Variants in PXDN observed in about 807,000 individuals in gnomAD.
PXDN encodes peroxidasin homolog.
PXDN carries 77 observed loss-of-function variants against 140.3 expected under a neutral mutation model. The ratio of observed to expected loss-of-function variants is 0.55; its 90% CI spans 0.46 to 0.66. The LOEUF (loss-of-function observed/expected upper bound fraction) is 0.66, where lower values mean the gene tolerates loss of function less well. Among genes scored for constraint, PXDN ranks in the 30% least tolerant of loss-of-function variants. The pLI, the probability that PXDN is intolerant of heterozygous loss-of-function variation, is 0.00. For synonymous variants in PXDN, 911 were observed against 857.4 expected, an observed-to-expected ratio of 1.06 and a Z score of -1.09; for missense variants, 1,838 against 2,039.5, an observed-to-expected ratio of 0.90 and a Z score of 1.90.
Position 1,685,824 on chromosome 2 carries a change from C to T in PXDN, c.417-1673G>A, listed in dbSNP as rs1333861438. Among the ~76,000 whole-genome samples, 1 of 151,972 alleles carries T rather than the reference C, an allele frequency of 6.6e-6. No homozygotes were observed. Among genetic ancestry groups the T allele is most frequent in the African/African-American group, 2.4e-5 (1 of 41,358 alleles). ...GCAGCCTGGGGTGTCCTCCACCCCT[C>T]CCTGAACAATTGAGGAAACAGGACC... On this transcript the variant is annotated intron_variant, in intron 4 of 22. Transcript: ENST00000252804. The surrounding 1 kb of genome is among the most constrained non-coding windows in gnomAD (Gnocchi z 5.1).
chr2:1,696,773 C>A (rs1684309802), intron 1 of PXDN, among the ~76,000 whole-genome samples: 1 of 152,180 alleles, frequency 6.6e-6, no homozygotes, highest in South Asian at 2.1e-4. Context: ...TACATCTGCA[C>A]ACGTGTTACT....
intron 1 of PXDN, among the ~76,000 whole-genome samples, chr2:1,723,486 A>G (rs1238720152): frequency 6.6e-6 from 1 of 152,114 alleles, no homozygotes; most frequent in African/African-American, 2.4e-5. Flanking sequence ...ATAAATGGGC[A>G]GATGGATGAA....
chr2:1,645,554 A>G (rs928678603), intron 17 of PXDN, among the ~76,000 whole-genome samples: 7 of 152,358 alleles, frequency 4.6e-5, no homozygotes, highest in Admixed American at 3.3e-4. Context: ...CTTACTGAAC[A>G]GGATGCACAC....
intron 1 of PXDN, among the ~76,000 whole-genome samples, chr2:1,743,800 G>A (rs1685616044): frequency 6.9e-6 from 1 of 145,506 alleles, no homozygotes; most frequent in Admixed American, 6.8e-5. Context: ...GGAGGGGGCT[G>A]CGCCGCGCTC....
At position 1,724,312 on chromosome 2, in the gene PXDN, GT is replaced by G. The variant is rs34475212; in HGVS notation, c.200+19943del. Among the ~76,000 whole-genome samples, 606 of 139,914 alleles carry G rather than the reference GT, an allele frequency of 4.3e-3. 2 individuals carry two copies. Among genetic ancestry groups the G allele is most frequent in the Non-Finnish European group, 4.3e-3 (278 of 65,342 alleles). The allele number at this position is 139,914 out of a possible 152,430, so 91.8% of individuals were successfully genotyped here. ...TTATTTAAAGTAAGTCTGAATTTCC[GT>G]TTTTTTTTTTTTTTGGTCAGAAAGC... On this transcript the variant is annotated intron_variant, in intron 1 of 22. Coordinates refer to ENST00000252804, the MANE Select transcript of PXDN (RefSeq NM_012293.3).
At chr2:1,670,002 C>G (rs917281073) in intron 9 of PXDN, among the ~76,000 whole-genome samples, 2 of 152,098 alleles carry the variant, frequency 1.3e-5, no homozygotes, top group Admixed American at 1.3e-4. Context: ...ATAAGACTAC[C>G]TATAGTCTTT....
intron 4 of PXDN, among the ~76,000 whole-genome samples, chr2:1,686,820 C>T (rs911717935): frequency 6.6e-6 from 1 of 152,180 alleles, no homozygotes; most frequent in Non-Finnish European, 1.5e-5. Context: ...CTGACAACAT[C>T]GCTGTGTCCA....
chr2:1,663,952 C>T (rs999373216), intron 11 of PXDN, 189 bp from the exon 12 acceptor site: 3 of 631,114 alleles, frequency 4.8e-6, no homozygotes, highest in Non-Finnish European at 8.2e-6. Flanking sequence ...CGTCCCTGCA[C>T]CCGTAACTCA....
chr2:1,679,087 C>CGTGTGT (rs1553363338), intron 7 of PXDN, among the ~76,000 whole-genome samples: 2 of 110,754 alleles, frequency 1.8e-5, no homozygotes, highest in Non-Finnish European at 3.6e-5. Flanking sequence ...TATGTGCATG[C>CGTGTGT]ATGTGTGTGT....
In PXDN at chr2:1,648,822, G is replaced by A; in HGVS notation, c.2958C>T (p.Ser986=). The A allele has an allele frequency of 1.2e-6, 2 of 1,602,410 alleles. No homozygotes were observed. ...HRANEQLGLT[S]MHTLWFREHN... ...GCTCGCGGAACCACAGCGTGTGCATGCTGGTCAGGCCCAGCTGCTCGTTGG... is the reference window on the plus strand; with the variant it reads ...GCTCGCGGAACCACAGCGTGTGCATACTGGTCAGGCCCAGCTGCTCGTTGG... The change falls in exon 17 of 23, where the codon AGC becomes AGT. Residue 986 remains serine (S), a synonymous_variant. Transcript: ENST00000252804. This position sits in a 1 kb window ranked among gnomAD's most constrained non-coding sequence, Gnocchi z 8.9.
intron 6 of PXDN, among the ~76,000 whole-genome samples, chr2:1,681,730 C>T (rs796925293): frequency 1.3e-5 from 2 of 152,220 alleles, no homozygotes; most frequent in Non-Finnish European, 2.9e-5. Context: ...CAGCCACGTG[C>T]CCAGGGCACC....
In PXDN at chr2:1,653,733, G is replaced by A; in HGVS notation, c.1999C>T (p.Pro667Ser). 6.3e-7 allele frequency: 1 copy of A among 1,597,252 alleles called. No individual in the cohort carries two copies. Among genetic ancestry groups the A allele is most frequent in the Non-Finnish European group, 8.5e-7 (1 of 1,171,736 alleles). ...LLALFRYPRDPYTVEQARAGE... is the reference protein window; with the variant it reads ...LLALFRYPRDSYTVEQARAGE... Reference sequence around the variant, plus strand: ...GCCCGTGCCTGTTCAACTGTGTAAGGATCCCTCGGATACCGGAACAAGGCC... The same window carrying A: ...GCCCGTGCCTGTTCAACTGTGTAAGAATCCCTCGGATACCGGAACAAGGCC... The change falls in exon 16 of 23, where the codon CCT becomes TCT. Residue 667 changes from proline (P) to serine (S), a missense_variant. Physicochemically the swap from Pro to Ser is moderately conservative, Grantham distance 74. This residue lies in a region of PXDN where 537 missense variants were observed against 583.9 expected (regional missense o/e 0.92). Coordinates refer to ENST00000252804, the MANE Select transcript of PXDN (RefSeq NM_012293.3).
chr2:1,644,754 T>TA lies in PXDN; in HGVS notation c.3609-3dup, dbSNP rs754782858. ...ATGTTGAGTGTCGAGCCATACAACC[T>TA]AAAAAATAAAGAGAAAACTGAAATC... On this transcript the variant is annotated splice_polypyrimidine_tract_variant and splice_region_variant and intron_variant, in intron 17 of 22. Transcript: ENST00000252804. The TA allele has an allele frequency of 3.3e-6, 5 of 1,507,260 alleles. No homozygotes were observed. The African/African-American group carries it at 4.2e-5, about 13-fold the overall frequency. 93.4% of individuals were successfully genotyped at this position (1,507,260 alleles called of 1,614,324 possible).
chr2:1,742,996 C>T (rs1685582254), intron 1 of PXDN, among the ~76,000 whole-genome samples: 1 of 152,270 alleles, frequency 6.6e-6, no homozygotes, highest in Non-Finnish European at 1.5e-5. Context: ...AGTCCTCTGG[C>T]TCAGCTAAGA....
intron 15 of PXDN, 151 bp from the exon 16 acceptor site, chr2:1,653,936 G>C (rs1683071827): frequency 2.1e-6 from 2 of 941,470 alleles, no homozygotes; most frequent in Non-Finnish European, 3.0e-6. Flanking sequence ...CGAAGTGGGA[G>C]GCAACAAAAC....
At chr2:1,710,981 G>GCT (rs369526974) in intron 1 of PXDN, among the ~76,000 whole-genome samples, 10,228 of 19,876 alleles carry the variant, frequency 0.51, 2,586 homozygotes, top group Admixed American at 0.61. Context: ...ACCAGCACCC[G>GCT]CTCCACCAGC....
intron 3 of PXDN, among the ~76,000 whole-genome samples, chr2:1,690,810 G>A (rs950921431): frequency 2.0e-5 from 3 of 152,188 alleles, no homozygotes; most frequent in African/African-American, 7.2e-5. Flanking sequence ...ATGTAACACT[G>A]ACAAATATCG....
intron 1 of PXDN, among the ~76,000 whole-genome samples, chr2:1,726,522 A>G (rs959459670): frequency 1.3e-5 from 2 of 152,024 alleles, no homozygotes; most frequent in Non-Finnish European, 2.9e-5. Flanking sequence ...TGGCACATGT[A>G]TACATATGTA....
At chr2:1,655,137 G>A (rs954957572) in intron 14 of PXDN, among the ~76,000 whole-genome samples, 10 of 146,240 alleles carry the variant, frequency 6.8e-5, no homozygotes, top group African/African-American at 2.5e-4. Flanking sequence ...TTACATGCAC[G>A]CCACACACAG....
Sources: gnomAD v4.1 joint callset for allele counts (sites outside exome capture counted in the v4.1 genomes callset) on GRCh38, gnomAD v4.1.1 for gene constraint, gnomAD v4.1.1 regional missense constraint, Gnocchi (gnomAD v3.1) non-coding constraint, MANE v1.5 for transcripts, NCBI Gene and HGNC (gene_info 2026-07-23, HGNC 2026-07-21) for gene names.